The following SLC6A16 variants were observed in gnomAD, a reference collection of about 807,000 sequenced individuals.
SLC6A16 encodes solute carrier family 6 member 16.
SLC6A16 carries 54 observed loss-of-function variants against 65.4 expected under a neutral mutation model. The observed-to-expected ratio is 0.83, with a 90% CI of 0.66 to 1.04. The LOEUF is 1.04. Among genes scored for constraint, SLC6A16 ranks in the 50% least tolerant of loss-of-function variants. The pLI is 0.00. For synonymous variants in SLC6A16, 330 were observed against 346.5 expected (o/e 0.95, Z 0.53); for missense variants, 816 against 914.0 (o/e 0.89, Z 1.38).
the SLC6A16 span, chr19:49,331,583 T>C: frequency 3.3e-4 from 117 of 356,534 alleles, no homozygotes; most frequent in Non-Finnish European, 5.5e-4. Flanking sequence ...AACCGTAAAA[T>C]CTTAGTAGCT....
rs925378913 is a variant in SLC6A16, at chr19:49,292,937, A to T, written c.1778+286T>A. On this transcript the variant is annotated intron_variant, in intron 10 of 11. Transcript: ENST00000335875. This position sits in a 1 kb window ranked among gnomAD's most constrained non-coding sequence, Gnocchi z 4.3. ...TCAACGTTTTTATTCTTTATTTGCT[A>T]ATCTGGTTATTGTCTCTCTAGACCA... Among the ~76,000 whole-genome samples, 4 of 152,096 alleles carry T rather than the reference A, an allele frequency of 2.6e-5. No homozygotes were observed. Among genetic ancestry groups the T allele is most frequent in the Admixed American group, 6.6e-5 (1 of 15,260 alleles).
At chr19:49,331,994 T>C in the SLC6A16 span, 168 of 447,658 alleles carry the variant, frequency 3.8e-4, no homozygotes, top group Non-Finnish European at 6.6e-4. Context: ...TAGTCTCCTA[T>C]GGCTGAAATA....
chr19:49,324,468 C>A (rs1162098551), intron 1 of SLC6A16, among the ~76,000 whole-genome samples: 3 of 152,124 alleles, frequency 2.0e-5, no homozygotes, highest in African/African-American at 7.2e-5. Context: ...CCATAAAGCC[C>A]CTTGAGCCCC....
the SLC6A16 span, among the ~76,000 whole-genome samples, chr19:49,330,773 C>G: frequency 1.3e-5 from 2 of 151,990 alleles, no homozygotes; most frequent in Non-Finnish European, 2.9e-5. Context: ...GAAACCCTGT[C>G]TCTACTAAAA....
chr19:49,339,444 G>T, the SLC6A16 span: 3 of 1,600,022 alleles, frequency 1.9e-6, no homozygotes, highest in Non-Finnish European at 2.6e-6. The surrounding 1 kb of genome is among the most constrained non-coding windows in gnomAD (Gnocchi z 4.5). Flanking sequence ...CCCGCGATCG[G>T]CCCTAAATCC....
intron 10 of SLC6A16, among the ~76,000 whole-genome samples, chr19:49,291,237 C>T (rs1476382242): frequency 6.6e-6 from 1 of 151,778 alleles, no homozygotes; most frequent in East Asian, 1.9e-4. Flanking sequence ...TCTAGGGTGC[C>T]CATCACCCTA....
At chr19:49,313,043 A>C (rs533324483) in intron 1 of SLC6A16, among the ~76,000 whole-genome samples, 2 of 138,988 alleles carry the variant, frequency 1.4e-5, no homozygotes, top group South Asian at 4.6e-4. Context: ...AGATCGCACG[A>C]CTGCACTCCA....
At chr19:49,340,036 C>G in the SLC6A16 span, 2 of 1,488,652 alleles carry the variant, frequency 1.3e-6, no homozygotes, top group Non-Finnish European at 1.8e-6. Flanking sequence ...TACTCCTTCT[C>G]AGCCTCTACC....
chr19:49,331,911 C>T, the SLC6A16 span: 1 of 454,798 alleles, frequency 2.2e-6, no homozygotes, highest in South Asian at 1.6e-5. Context: ...TGCCACCTAC[C>T]CTTCGACTTC....
the SLC6A16 span, chr19:49,337,830 A>T: frequency 1.6e-5 from 26 of 1,586,378 alleles, no homozygotes; most frequent in East Asian, 4.4e-4. Flanking sequence ...AGACTGGCCC[A>T]GAGATGCACA....
At chr19:49,309,442 G>A (rs758076794) in intron 5 of SLC6A16, 31 bp from the exon 6 acceptor site, 9 of 1,529,756 alleles carry the variant, frequency 5.9e-6, no homozygotes, top group Middle Eastern at 1.7e-4. Context: ...ATCAGCAACC[G>A]TGTACCAGTA....
At chr19:49,323,828 A>G (rs1970754665) in intron 1 of SLC6A16, among the ~76,000 whole-genome samples, 1 of 152,176 alleles carries the variant, frequency 6.6e-6, no homozygotes, top group African/African-American at 2.4e-5. Flanking sequence ...TAAAAATAGA[A>G]TTACCATATG....
At chr19:49,297,618 C>G (rs1970209526) in intron 7 of SLC6A16, among the ~76,000 whole-genome samples, 1 of 152,120 alleles carries the variant, frequency 6.6e-6, no homozygotes, top group Admixed American at 6.6e-5. Context: ...AACATATGTC[C>G]ATACAAGGAC....
In SLC6A16 at chr19:49,293,906, TGC is replaced by T; in HGVS notation, c.1537_1538del (p.Ala513AsnfsTer54). On this transcript the variant is annotated frameshift_variant, in exon 9 of 12. Transcript: ENST00000335875. LOFTEE classifies it high-confidence loss of function. ...TAATGATGCCCTGCATAATCCCTAT[TGC>T]GCTGCTCAGCCCCATGGCCAGCAAC... is the stretch of plus-strand genomic sequence containing the variant. ...LMLLAMGLSSAIGIMQGIITP... is the reference protein window; with the variant it reads ...LMLLAMGLSSXIGIMQGIITP... 6.2e-7 allele frequency: 1 copy of T among 1,614,026 alleles called. No individual in the cohort carries two copies. The highest frequency in any genetic ancestry group is 8.5e-7 in the Non-Finnish European group (1 of 1,180,004).
rs144983870 is a variant in SLC6A16, at chr19:49,298,957, A to G, written c.1230-4404T>C. On this transcript the variant is annotated intron_variant, in intron 7 of 11. Coordinates refer to ENST00000335875, the MANE Select transcript of SLC6A16 (RefSeq NM_014037.3). ...ATCCTAAGTGAATTAACATAGGAAT[A>G]GAAAACCTGCCGGGTGTGGTGGCTC... Among the ~76,000 whole-genome samples the G allele has an allele frequency of 4.5e-3, 689 of 152,326 alleles. 3 individuals carry two copies. Among genetic ancestry groups the G allele is most frequent in the African/African-American group, 0.016 (657 of 41,574 alleles).
the SLC6A16 span, chr19:49,338,333 C>T: frequency 4.5e-6 from 3 of 664,172 alleles, no homozygotes; most frequent in African/African-American, 3.7e-5. This position sits in a 1 kb window ranked among gnomAD's most constrained non-coding sequence, Gnocchi z 5.0. Flanking sequence ...CGGCTTCCTA[C>T]CCCGTAGTGA....
the SLC6A16 span, chr19:49,335,139 A>G: frequency 1.4e-4 from 28 of 195,438 alleles, no homozygotes; most frequent in Non-Finnish European, 2.7e-4. The surrounding 1 kb of genome is among the most constrained non-coding windows in gnomAD (Gnocchi z 4.6). Flanking sequence ...CTGTGAGGTC[A>G]GCTGCTGTCC....
intron 1 of SLC6A16, among the ~76,000 whole-genome samples, chr19:49,311,797 C>T (rs1386702114): frequency 2.0e-5 from 3 of 148,128 alleles, no homozygotes; most frequent in Non-Finnish European, 4.5e-5. Flanking sequence ...TGCAGTGAGC[C>T]GAGATCAGGC....
At chr19:49,334,848 C>A in the SLC6A16 span, among the ~76,000 whole-genome samples, 1 of 151,690 alleles carries the variant, frequency 6.6e-6, no homozygotes, top group Non-Finnish European at 1.5e-5. Context: ...CCCCACCGTA[C>A]TCCAGCCTGG....
Sources: allele counts gnomAD v4.1 joint callset (sites outside exome capture counted in the v4.1 genomes callset), GRCh38; gene constraint gnomAD v4.1.1; non-coding constraint Gnocchi (gnomAD v3.1); transcripts MANE v1.5; gene names NCBI Gene and HGNC (gene_info 2026-07-23, HGNC 2026-07-21).